Variants in RXFP1 observed in about 807,000 individuals in gnomAD.
The protein encoded by RXFP1 is relaxin family peptide receptor 1.
RXFP1 carries 73 observed loss-of-function variants against 89.8 expected under a neutral mutation model. That is an observed-to-expected ratio of 0.81 (90% CI 0.67 to 0.99). The LOEUF (loss-of-function observed/expected upper bound fraction) is 0.99, where lower values mean the gene tolerates loss of function less well. Among genes scored for constraint, RXFP1 ranks in the 50% least tolerant of loss-of-function variants. RXFP1 has a pLI of 0.00. For missense variants in RXFP1, 793 were observed against 895.5 expected (o/e 0.89, Z 1.46); for synonymous variants, 277 against 305.5 (o/e 0.91, Z 0.97).
chr4:158,591,949 C>T (rs557458512), intron 2 of RXFP1, among the ~76,000 whole-genome samples: 1 of 152,236 alleles, frequency 6.6e-6, no homozygotes, highest in South Asian at 2.1e-4. Flanking sequence ...AGAATGAAGG[C>T]TTGTACCATG....
intron 1 of RXFP1, among the ~76,000 whole-genome samples, chr4:158,559,974 A>G (rs912092062): frequency 6.6e-6 from 1 of 152,230 alleles, no homozygotes; most frequent in African/African-American, 2.4e-5. Context: ...CCAAAGAGTA[A>G]AGACAACTTC....
At chr4:158,525,222 G>T (rs985039584) in intron 1 of RXFP1, among the ~76,000 whole-genome samples, 1 of 151,560 alleles carries the variant, frequency 6.6e-6, no homozygotes, top group African/African-American at 2.4e-5. Context: ...ACTTTGGCGG[G>T]GGGGGGTTGG....
chr4:158,540,128 G>A (rs533425572), intron 1 of RXFP1, among the ~76,000 whole-genome samples: 7 of 152,222 alleles, frequency 4.6e-5, no homozygotes, highest in Middle Eastern at 3.4e-3. Flanking sequence ...TGCATCTCAC[G>A]CAAGAAAGAA....
intron 3 of RXFP1, 98 bp from the exon 4 acceptor site, chr4:158,599,228 A>G: frequency 6.4e-7 from 1 of 1,569,812 alleles, no homozygotes. Context: ...CTTTTGTACT[A>G]AATGATTTTC....
At chr4:158,524,223 A>C (rs1305916214) in intron 1 of RXFP1, among the ~76,000 whole-genome samples, 1 of 152,204 alleles carries the variant, frequency 6.6e-6, no homozygotes, top group African/African-American at 2.4e-5. Flanking sequence ...ATAAATGCCA[A>C]GATTGGAATG....
At chr4:158,556,408 C>A (rs947721105) in intron 1 of RXFP1, among the ~76,000 whole-genome samples, 4 of 151,878 alleles carry the variant, frequency 2.6e-5, no homozygotes, top group East Asian at 3.9e-4. Flanking sequence ...TATCAAAAAA[C>A]CAGAAGAAAA....
At chr4:158,562,477 T>C (rs1475923229) in intron 1 of RXFP1, among the ~76,000 whole-genome samples, 1 of 106,816 alleles carries the variant, frequency 9.4e-6, no homozygotes, top group Admixed American at 1.5e-4. Flanking sequence ...TGAGCCGAGA[T>C]CCCGCCACTG....
chr4:158,596,057 G>A (rs2150077308), intron 3 of RXFP1, among the ~76,000 whole-genome samples: 1 of 151,688 alleles, frequency 6.6e-6, no homozygotes, highest in African/African-American at 2.4e-5. Context: ...GCAGTGAGCT[G>A]TGATTGAGCC....
chr4:158,546,020 A>G (rs1211122241), intron 1 of RXFP1, among the ~76,000 whole-genome samples: 1 of 152,110 alleles, frequency 6.6e-6, no homozygotes, highest in Non-Finnish European at 1.5e-5. Flanking sequence ...GATGGGATTG[A>G]ATCTATAAAT....
chr4:158,645,139 G>A lies in RXFP1; in HGVS notation c.1345+1G>A, dbSNP rs573360792. Reference sequence around the variant, plus strand: ...GCCATGTCAATCATTTCTCTCTGCTGTGAGTATTTCCTGGTTAAAGGAGAA... The same window carrying A: ...GCCATGTCAATCATTTCTCTCTGCTATGAGTATTTCCTGGTTAAAGGAGAA... On this transcript the variant is annotated splice_donor_variant, in intron 15 of 17. Coordinates refer to ENST00000307765, the MANE Select transcript of RXFP1 (RefSeq NM_021634.4). LOFTEE classifies it high-confidence loss of function. The A allele has an allele frequency of 2.2e-5, 36 of 1,601,802 alleles. 1 individual carries two copies. The South Asian group carries it at 3.9e-4, about 17-fold the overall frequency.
At chr4:158,534,407 C>A (rs1744794215) in intron 1 of RXFP1, among the ~76,000 whole-genome samples, 1 of 152,054 alleles carries the variant, frequency 6.6e-6, no homozygotes, top group Non-Finnish European at 1.5e-5. Context: ...ACCACCACAC[C>A]CAGCTAATTT....
chr4:158,621,841 T>G (rs1247490263), intron 9 of RXFP1, among the ~76,000 whole-genome samples: 2 of 152,164 alleles, frequency 1.3e-5, no homozygotes, highest in Non-Finnish European at 2.9e-5. Flanking sequence ...ATCAGAGAAA[T>G]GCAAATCAAA....
chr4:158,626,807 T>A lies in RXFP1; in HGVS notation c.756-13T>A, dbSNP rs1357630434. On this transcript the variant is annotated splice_polypyrimidine_tract_variant and intron_variant, in intron 9 of 17. Transcript: ENST00000307765. ...TTAAGATTTAGCTGTATCGTTTTAT[T>A]TTTATGTTCCAGGGACCTTGAAGGC... is the stretch of plus-strand genomic sequence containing the variant. 1.3e-6 allele frequency: 2 copies of A among 1,505,238 alleles called. No homozygotes were observed. The highest frequency in any genetic ancestry group is 1.8e-6 in the Non-Finnish European group (2 of 1,102,868). The allele number at this position is 1,505,238 out of a possible 1,614,324, so 93.2% of individuals were successfully genotyped here.
intron 5 of RXFP1, 75 bp downstream of exon 5, chr4:158,605,214 G>T (rs1198833468): frequency 6.3e-6 from 5 of 791,878 alleles, no homozygotes; most frequent in Non-Finnish European, 1.1e-5. Flanking sequence ...CTACTTCTGT[G>T]AACACCAACA....
chr4:158,628,715 T>A lies in RXFP1; in HGVS notation c.899+6T>A. ...CTCCAGAAACTGGATGAATTGTAAGTATGACTGAACATATACTGATAAGAA... is the reference window on the plus strand; with the variant it reads ...CTCCAGAAACTGGATGAATTGTAAGAATGACTGAACATATACTGATAAGAA... On this transcript the variant is annotated splice_donor_region_variant and intron_variant, in intron 11 of 17. Coordinates refer to ENST00000307765, the MANE Select transcript of RXFP1 (RefSeq NM_021634.4). 1 of 1,501,560 alleles carries A rather than the reference T, an allele frequency of 6.7e-7. No homozygotes were observed. Among genetic ancestry groups the A allele is most frequent in the Non-Finnish European group, 9.2e-7 (1 of 1,081,922 alleles). The allele number at this position is 1,501,560 out of a possible 1,614,324, so 93.0% of individuals were successfully genotyped here.
intron 3 of RXFP1, among the ~76,000 whole-genome samples, chr4:158,594,330 C>A (rs1262100286): frequency 6.6e-6 from 1 of 152,156 alleles, no homozygotes; most frequent in Non-Finnish European, 1.5e-5. Context: ...TATAAAACAG[C>A]CGCGTCCTCA....
At chr4:158,593,718 A>G (rs1193673805) in intron 3 of RXFP1, among the ~76,000 whole-genome samples, 1 of 152,228 alleles carries the variant, frequency 6.6e-6, no homozygotes, top group Non-Finnish European at 1.5e-5. Flanking sequence ...AAAAAGACTC[A>G]GGGATCTTAA....
At chr4:158,638,147 T>TTA in intron 13 of RXFP1, 68 bp downstream of exon 13, 1 of 856,078 alleles carries the variant, frequency 1.2e-6, no homozygotes, top group East Asian at 2.8e-5. Context: ...ATGTATATTT[T>TTA]TATATATTTA....
Position 158,645,149 on chromosome 4 carries a change from C to T in RXFP1, c.1345+11C>T. On this transcript the variant is annotated intron_variant, in intron 15 of 17. Coordinates refer to ENST00000307765, the MANE Select transcript of RXFP1 (RefSeq NM_021634.4). ...TCATTTCTCTCTGCTGTGAGTATTT[C>T]CTGGTTAAAGGAGAATTGTAGTTTT... The T allele has an allele frequency of 6.3e-7, 1 of 1,586,606 alleles. No homozygotes were observed. The highest frequency in any genetic ancestry group is 8.7e-7 in the Non-Finnish European group (1 of 1,155,122).
Sources: allele counts gnomAD v4.1 joint callset (sites outside exome capture counted in the v4.1 genomes callset), GRCh38; gene constraint gnomAD v4.1.1; transcripts MANE v1.5; gene names NCBI Gene and HGNC (gene_info 2026-07-23, HGNC 2026-07-21).